The following TET2 variants were observed in gnomAD, a reference collection of about 807,000 sequenced individuals.
The protein encoded by TET2 is methylcytosine dioxygenase TET2.
Under a neutral mutation model 142.9 loss-of-function variants are expected in TET2, and 299 were observed. The observed-to-expected ratio is 2.09, with a 90% CI of 1.90 to 2.30. TET2 has a LOEUF of 2.30. TET2 is among the 30% of genes most tolerant of loss of function. The probability of loss-of-function intolerance (pLI) is 0.00; values close to 1 mark genes in which losing one functional copy is unlikely to be tolerated. For synonymous variants in TET2, 819 were observed against 849.0 expected (o/e 0.96, Z 0.61); for missense variants, 2,418 against 2,378.0 (o/e 1.02, Z -0.35).
chr4:105,169,076 C>CT (rs1216209660), intron 1 of TET2, among the ~76,000 whole-genome samples: 1 of 152,084 alleles, frequency 6.6e-6, no homozygotes, highest in Non-Finnish European at 1.5e-5. Flanking sequence ...CATATAATGA[C>CT]TTTTTTCCTC....
At chr4:105,201,263 C>CA (rs111752621) in intron 2 of TET2, among the ~76,000 whole-genome samples, 8 of 151,706 alleles carry the variant, frequency 5.3e-5, no homozygotes, top group South Asian at 2.1e-4. Context: ...ATCTCTTCTT[C>CA]AAAAAAAAGG....
chr4:105,274,553 T>C (rs1425637057), intron 10 of TET2, among the ~76,000 whole-genome samples: 1 of 152,224 alleles, frequency 6.6e-6, no homozygotes. Flanking sequence ...AACATTTTCC[T>C]TCCCATTTAG....
chr4:105,266,347 TAAAA>T (rs976986734), intron 8 of TET2, among the ~76,000 whole-genome samples: 1 of 148,642 alleles, frequency 6.7e-6, no homozygotes, highest in Middle Eastern at 3.2e-3. Context: ...GTACAAAAAT[TAAAA>T]AAAAAATCTA....
At chr4:105,152,166 A>G (rs957106875) in intron 1 of TET2, among the ~76,000 whole-genome samples, 45 of 152,270 alleles carry the variant, frequency 3.0e-4, no homozygotes, top group African/African-American at 9.4e-4. Flanking sequence ...AGTCTCAGCT[A>G]TTCTGGAGGC....
intron 2 of TET2, among the ~76,000 whole-genome samples, chr4:105,211,779 A>G (rs1470990708): frequency 2.0e-5 from 3 of 152,220 alleles, no homozygotes; most frequent in Non-Finnish European, 4.4e-5. Flanking sequence ...TGTTTGGGGA[A>G]TAGTCATCCC....
chr4:105,160,247 T>G (rs1188553748), intron 1 of TET2, among the ~76,000 whole-genome samples: 1 of 152,166 alleles, frequency 6.6e-6, no homozygotes, highest in African/African-American at 2.4e-5. Flanking sequence ...AAGCTTTAAG[T>G]CTCTATATTT....
At chr4:105,195,731 T>C (rs946831626) in intron 2 of TET2, among the ~76,000 whole-genome samples, 1 of 152,192 alleles carries the variant, frequency 6.6e-6, no homozygotes, top group African/African-American at 2.4e-5. Flanking sequence ...TCTGAGTATT[T>C]TGATCTGTGA....
chr4:105,240,968 C>G (rs1729263402), intron 3 of TET2: 1 of 1,083,960 alleles, frequency 9.2e-7, no homozygotes, highest in Non-Finnish European at 1.1e-6. Flanking sequence ...AATAGGTAGG[C>G]TTCCAGTTAG....
chr4:105,155,592 A>G (rs12643257), intron 1 of TET2, among the ~76,000 whole-genome samples: 48,384 of 152,110 alleles, frequency 0.32, 9,293 homozygotes, highest in East Asian at 0.62. Flanking sequence ...GTAATTCTAG[A>G]TACCAGACAT....
intron 2 of TET2, among the ~76,000 whole-genome samples, chr4:105,199,733 C>G (rs1726331163): frequency 6.6e-6 from 1 of 152,102 alleles, no homozygotes; most frequent in African/African-American, 2.4e-5. Context: ...GTGTTGTTCC[C>G]CTCTGTGTCC....
chr4:105,206,397 TCAGA>T (rs1229407347), intron 2 of TET2, among the ~76,000 whole-genome samples: 1 of 152,226 alleles, frequency 6.6e-6, no homozygotes, highest in Non-Finnish European at 1.5e-5. Context: ...GGTATGTAAC[TCAGA>T]CAGTGACCTA....
At chr4:105,211,152 A>G (rs1727137326) in intron 2 of TET2, among the ~76,000 whole-genome samples, 1 of 152,192 alleles carries the variant, frequency 6.6e-6, no homozygotes, top group African/African-American at 2.4e-5. Context: ...CTCTAGCTGA[A>G]TCATTCTTCC....
intron 1 of TET2, among the ~76,000 whole-genome samples, chr4:105,189,369 C>T (rs1276091596): frequency 6.6e-6 from 1 of 152,102 alleles, no homozygotes; most frequent in Non-Finnish European, 1.5e-5. Flanking sequence ...ATACTGTTTC[C>T]ATATATTCAG....
intron 8 of TET2, among the ~76,000 whole-genome samples, chr4:105,267,598 A>G (rs1560568243): frequency 6.6e-6 from 1 of 151,514 alleles, no homozygotes. Flanking sequence ...AATGAAATCA[A>G]TCCAAAAATG....
chr4:105,253,650 G>A (rs994559406), intron 6 of TET2, among the ~76,000 whole-genome samples: 3 of 150,846 alleles, frequency 2.0e-5, no homozygotes, highest in East Asian at 1.9e-4. Context: ...TTGTCTTAAT[G>A]TATTAGCTAG....
chr4:105,266,844 T>C (rs1730703148), intron 8 of TET2, among the ~76,000 whole-genome samples: 1 of 152,068 alleles, frequency 6.6e-6, no homozygotes, highest in South Asian at 2.1e-4. Context: ...TGGCCAAATT[T>C]TTTTCAGATT....
chr4:105,201,834 C>T (rs898782348), intron 2 of TET2, among the ~76,000 whole-genome samples: 1 of 148,644 alleles, frequency 6.7e-6, no homozygotes, highest in Non-Finnish European at 1.5e-5. Flanking sequence ...CTCAACTTCC[C>T]AGGCTCAGGT....
At chr4:105,208,404 C>A (rs1028538452) in intron 2 of TET2, among the ~76,000 whole-genome samples, 1 of 152,076 alleles carries the variant, frequency 6.6e-6, no homozygotes, top group Admixed American at 6.6e-5. Flanking sequence ...CCAACATACT[C>A]CTCTGAATTA....
chr4:105,171,450 C>A (rs1724460377), intron 1 of TET2: 1 of 152,090 alleles, frequency 6.6e-6, no homozygotes, highest in South Asian at 2.1e-4. Context: ...TGTTATTGAT[C>A]ATAATAATAT....
Sources: gnomAD v4.1 joint callset for allele counts (sites outside exome capture counted in the v4.1 genomes callset) on GRCh38, gnomAD v4.1.1 for gene constraint, MANE v1.5 for transcripts, NCBI Gene and HGNC (gene_info 2026-07-23, HGNC 2026-07-21) for gene names.